The following RAB11FIP1 variants were observed in gnomAD, a reference collection of about 807,000 sequenced individuals.
The protein encoded by RAB11FIP1 is RAB11 family interacting protein 1.
Under a neutral mutation model 83.1 loss-of-function variants are expected in RAB11FIP1, and 49 were observed. That is an observed-to-expected ratio of 0.59 (90% CI 0.47 to 0.75). The LOEUF is 0.75. Ranked by LOEUF, RAB11FIP1 falls within the 30% of genes least tolerant of loss-of-function variation. RAB11FIP1 has a pLI of 0.00. For missense variants in RAB11FIP1, 1,536 were observed against 1,598.7 expected (o/e 0.96, Z 0.67); for synonymous variants, 670 against 656.0 (o/e 1.02, Z -0.33).
rs750128809 is a variant in RAB11FIP1, at chr8:37,870,494, T to A, written c.3559A>T (p.Thr1187Ser). 8.1e-6 allele frequency: 13 copies of A among 1,607,710 alleles called. No homozygotes were observed. Among genetic ancestry groups the A allele is most frequent in the East Asian group, 6.7e-5 (3 of 44,830 alleles). The change falls in exon 5 of 6, where the codon ACC (threonine) becomes TCC (serine). Residue 1187 changes from threonine (T) to serine (S), a missense_variant. Thr to Ser is a moderately conservative substitution (Grantham distance 58, BLOSUM62 1). Transcript: ENST00000330843. ...HPVKPMNAMA[T>S]KVANCSLGTA... is the part of the protein sequence containing the mutation. ...CCCAAGCTGCAGTTAGCAACCTTGG[T>A]GGCCATTGCATTCATTGGCTTCACA...
intron 5 of RAB11FIP1, among the ~76,000 whole-genome samples, chr8:37,868,850 G>T (rs1193371784): frequency 1.3e-5 from 2 of 152,090 alleles, no homozygotes; most frequent in African/African-American, 4.8e-5. Context: ...ATACTTCCTG[G>T]AAATTTACCT....
At chr8:37,884,068 T>C (rs529609786) in intron 1 of RAB11FIP1, among the ~76,000 whole-genome samples, 1 of 152,168 alleles carries the variant, frequency 6.6e-6, no homozygotes, top group East Asian at 1.9e-4. Flanking sequence ...ATTTATTTAT[T>C]TATTTTTGAG....
chr8:37,879,934 T>TA lies in RAB11FIP1; in HGVS notation c.372-2384dup, dbSNP rs1010408124. Among the ~76,000 whole-genome samples, 39 of 151,906 alleles carry TA rather than the reference T, an allele frequency of 2.6e-4. No homozygotes were observed. The East Asian group carries it at 5.6e-3, about 22-fold the overall frequency. ...TAATGTTACATATATTTTACCACAA[T>TA]AAAAAAAATGGTTAGTTGGAAAGGA... is the stretch of plus-strand genomic sequence containing the variant. On this transcript the variant is annotated intron_variant, in intron 1 of 5. Transcript: ENST00000330843.
At chr8:37,866,789 T>A (rs1291632138) in intron 5 of RAB11FIP1, among the ~76,000 whole-genome samples, 3 of 152,210 alleles carry the variant, frequency 2.0e-5, no homozygotes, top group African/African-American at 7.2e-5. Flanking sequence ...AGAGTAGGTA[T>A]CTTTATAAAT....
Position 37,871,628 on chromosome 8 carries a change from CT to C in RAB11FIP1, c.3173del (p.Lys1058ArgfsTer122). On this transcript the variant is annotated frameshift_variant, in exon 4 of 6. Transcript: ENST00000330843. LOFTEE classifies it high-confidence loss of function. ...EFGIHKPHLG[K>X]SSSLDKQLPG... ...GCAGCTGTTTATCCAAGCTTGAGCT[CT>C]TGCCAAGATGTGGTTTGTGAATTCC... is the stretch of plus-strand genomic sequence containing the variant. The C allele has an allele frequency of 6.2e-7, 1 of 1,607,082 alleles. No individual in the cohort carries two copies.
At chr8:37,882,439 A>G (rs1309395590) in intron 1 of RAB11FIP1, among the ~76,000 whole-genome samples, 1 of 152,210 alleles carries the variant, frequency 6.6e-6, no homozygotes, top group Non-Finnish European at 1.5e-5. Context: ...AATAATATTG[A>G]TTCTCACAAA....
intron 1 of RAB11FIP1, 110 bp downstream of exon 1, chr8:37,898,961 G>T: frequency 1.7e-6 from 2 of 1,164,592 alleles, no homozygotes; most frequent in Non-Finnish European, 1.1e-6. Context: ...GTCCCGAAAG[G>T]CCTTCCCCGC....
rs954250993 is a variant in RAB11FIP1 at position 37,877,193 on chromosome 8, CTGGCTT to C, written c.724_729del (p.Lys242_Pro243del). On this transcript the variant is annotated inframe_deletion, in exon 2 of 6. Coordinates refer to ENST00000330843, the MANE Select transcript of RAB11FIP1 (RefSeq NM_001002814.3). ...TCTCCGGGACGAAGCAGCACTTTTTCTGGCTTTGAAGTCGGCAGGACAGACATGGAC... is the reference window on the plus strand; with the variant it reads ...TCTCCGGGACGAAGCAGCACTTTTTCTGAAGTCGGCAGGACAGACATGGAC... 6.2e-7 allele frequency: 1 copy of C among 1,614,172 alleles called. No individual in the cohort carries two copies. The highest frequency in any genetic ancestry group is 8.5e-7 in the Non-Finnish European group (1 of 1,180,038).
chr8:37,898,941 C>T, intron 1 of RAB11FIP1, 130 bp downstream of exon 1: 3 of 979,626 alleles, frequency 3.1e-6, no homozygotes, highest in East Asian at 3.2e-5. Flanking sequence ...CAGCACCGGC[C>T]GAGGGCTCCG....
Position 37,870,439 on chromosome 8 carries a change from T to G in RAB11FIP1, c.3614A>C (p.Asn1205Thr). ...GTATIISENL[N>T]NEVMMKKYSP... Reference sequence around the variant, plus strand: ...ACATACCTTCATCATGACCTCATTGTTCAAGTTCTCACTGATGATGGTGGC... The same window carrying G: ...ACATACCTTCATCATGACCTCATTGGTCAAGTTCTCACTGATGATGGTGGC... Residue 1205 changes from asparagine to threonine, a missense_variant, in exon 5 of 6, where the codon AAC (asparagine) becomes ACC (threonine). By Grantham distance (65) the Asn-to-Thr change is moderately conservative. Coordinates refer to ENST00000330843, the MANE Select transcript of RAB11FIP1 (RefSeq NM_001002814.3). 6.2e-7 allele frequency: 1 copy of G among 1,607,052 alleles called. No homozygotes were observed. Among genetic ancestry groups the G allele is most frequent in the Non-Finnish European group, 8.5e-7 (1 of 1,173,684 alleles).
Position 37,861,936 on chromosome 8 carries a change from C to T in RAB11FIP1, c.*959G>A. 4.6e-6 allele frequency: 1 copy of T among 216,624 alleles called. No individual in the cohort carries two copies. The allele number at this position is 216,624 out of a possible 1,614,324, so 13.4% of individuals were successfully genotyped here. On this transcript the variant is annotated 3_prime_UTR_variant, in exon 6 of 6. Coordinates refer to ENST00000330843, the MANE Select transcript of RAB11FIP1 (RefSeq NM_001002814.3). The stretch of plus-strand genomic sequence containing the variant: ...GGAGTTGGTGGACCCTGTCTCTGCC[C>T]CTTACAAGGAGTGTTGCTGAGGAAA...
At chr8:37,875,458 G>C (rs970837339) in intron 2 of RAB11FIP1, 136 bp from the exon 3 acceptor site, 3 of 676,984 alleles carry the variant, frequency 4.4e-6, no homozygotes, top group African/African-American at 1.8e-5. Context: ...GTATCCAGCA[G>C]GTAGAGGACA....
Position 37,899,007 on chromosome 8 carries a change from A to T in RAB11FIP1, c.371+64T>A. 7.1e-7 allele frequency: 1 copy of T among 1,400,672 alleles called. No individual in the cohort carries two copies. Among genetic ancestry groups the T allele is most frequent in the Non-Finnish European group, 9.2e-7 (1 of 1,084,542 alleles). 86.8% of individuals were successfully genotyped at this position (1,400,672 alleles called of 1,614,324 possible). A position where few individuals can be genotyped will look rare whatever the true frequency, so the allele number is the denominator to read the frequency against. ...CTTACTCTCGAAGGGTCCAGCGCCCAGACCGCCCTGCCGGAGGGGTCCGCG... is the reference window on the plus strand; with the variant it reads ...CTTACTCTCGAAGGGTCCAGCGCCCTGACCGCCCTGCCGGAGGGGTCCGCG... On this transcript the variant is annotated intron_variant, in intron 1 of 5. Coordinates refer to ENST00000330843, the MANE Select transcript of RAB11FIP1 (RefSeq NM_001002814.3). The surrounding 1 kb of genome is among the most constrained non-coding windows in gnomAD (Gnocchi z 4.5).
chr8:37,865,646 TATA>T lies in RAB11FIP1; in HGVS notation c.3634-2536_3634-2534del, dbSNP rs1268031511. ...TCCTGGGGTTCTTGATGATATGTTT[TATA>T]ATGTCAGCCTCATACAAAATAATAG... On this transcript the variant is annotated intron_variant, in intron 5 of 5. Transcript: ENST00000330843. Among the ~76,000 whole-genome samples, 6 of 152,312 alleles carry T rather than the reference TATA, an allele frequency of 3.9e-5. No individual in the cohort carries two copies. The East Asian group carries it at 9.6e-4, about 24-fold the overall frequency.
chr8:37,863,000 G>C lies in RAB11FIP1; in HGVS notation c.3747C>G (p.Arg1249=). 6.2e-7 allele frequency: 1 copy of C among 1,613,680 alleles called. No homozygotes were observed. Among genetic ancestry groups the C allele is most frequent in the Non-Finnish European group, 8.5e-7 (1 of 1,179,906 alleles). ...ETISKKEFQV[R]ELEDYIDNLL... ...GGTTGTCAATGTAGTCTTCCAGCTC[G>C]CGGACCTGGAACTCCTTCTTGCTTA... The change falls in exon 6 of 6, where the codon CGC becomes CGG. Residue 1249 remains arginine, a synonymous_variant. Coordinates refer to ENST00000330843, the MANE Select transcript of RAB11FIP1 (RefSeq NM_001002814.3).
At chr8:37,887,932 C>T (rs1317542067) in intron 1 of RAB11FIP1, among the ~76,000 whole-genome samples, 1 of 152,140 alleles carries the variant, frequency 6.6e-6, no homozygotes, top group African/African-American at 2.4e-5. Context: ...AGTTTATCTA[C>T]CCATTCAGAT....
At position 37,873,054 on chromosome 8, in the gene RAB11FIP1, C is replaced by A; in HGVS notation, c.1748G>T (p.Gly583Val). The change falls in exon 4 of 6, where the codon GGT becomes GTT. Residue 583 changes from glycine (G) to valine (V), a missense_variant. Physicochemically the swap from Gly to Val is moderately radical, Grantham distance 109. Transcript: ENST00000330843. ...QASVPSELGHGADTQSSESPS... is the reference protein window; with the variant it reads ...QASVPSELGHVADTQSSESPS... The stretch of plus-strand genomic sequence containing the variant: ...ACTCTCAGAGGACTGTGTGTCTGCA[C>A]CATGTCCCAATTCAGAGGGGACAGA... 1 of 1,614,020 alleles carries A rather than the reference C, an allele frequency of 6.2e-7. No individual in the cohort carries two copies. Among genetic ancestry groups the A allele is most frequent in the East Asian group, 2.2e-5 (1 of 44,854 alleles).
intron 1 of RAB11FIP1, among the ~76,000 whole-genome samples, chr8:37,882,399 C>T (rs775153141): frequency 6.6e-6 from 1 of 152,172 alleles, no homozygotes; most frequent in Non-Finnish European, 1.5e-5. Flanking sequence ...ATCTGGAGAA[C>T]AAAGGCTATC....
At chr8:37,882,584 C>T (rs975088558) in intron 1 of RAB11FIP1, among the ~76,000 whole-genome samples, 2 of 152,164 alleles carry the variant, frequency 1.3e-5, no homozygotes, top group African/African-American at 2.4e-5. Flanking sequence ...CTTTCGGGAA[C>T]GTCCTACTCT....
Sources: allele counts gnomAD v4.1 joint callset (sites outside exome capture counted in the v4.1 genomes callset), GRCh38; gene constraint gnomAD v4.1.1; non-coding constraint Gnocchi (gnomAD v3.1); transcripts MANE v1.5; gene names NCBI Gene and HGNC (gene_info 2026-07-23, HGNC 2026-07-21).